CELSR1: variants seen among roughly 807,000 people sequenced by gnomAD.
CELSR1 encodes the protein adhesion G protein-coupled receptor C1.
Under a neutral mutation model 249.1 loss-of-function variants are expected in CELSR1, and 110 were observed. That is an observed-to-expected ratio of 0.44 (90% CI 0.38 to 0.52). The LOEUF (loss-of-function observed/expected upper bound fraction) is 0.52, where lower values mean the gene tolerates loss of function less well. Among genes scored for constraint, CELSR1 ranks in the 20% least tolerant of loss-of-function variants. CELSR1 has a pLI of 0.00. For synonymous variants in CELSR1, 2,113 were observed against 1,900.0 expected, an observed-to-expected ratio of 1.11 and a Z score of -2.92; for missense variants, 4,109 against 4,296.4, an observed-to-expected ratio of 0.96 and a Z score of 1.22.
Position 46,433,892 on chromosome 22 carries a change from C to T in CELSR1, c.4523-411G>A, listed in dbSNP as rs2079626627. Among the ~76,000 whole-genome samples the T allele has an allele frequency of 1.3e-5, 2 of 152,150 alleles. No individual in the cohort carries two copies. The highest frequency in any genetic ancestry group is 1.3e-4 in the Admixed American group (2 of 15,274). Reference sequence around the variant, plus strand: ...TAGAGATGGGGTTTCACCATGTTGGCTAGTCTAGTCTCGAACTCCTGACCT... The same window carrying T: ...TAGAGATGGGGTTTCACCATGTTGGTTAGTCTAGTCTCGAACTCCTGACCT... On this transcript the variant is annotated intron_variant, in intron 4 of 34. Coordinates refer to ENST00000674500, the MANE Select transcript of CELSR1 (RefSeq NM_001378328.1). The surrounding 1 kb of genome is among the most constrained non-coding windows in gnomAD (Gnocchi z 5.7).
chr22:46,377,165 G>A lies in CELSR1; in HGVS notation c.7480C>T (p.Arg2494Cys), dbSNP rs746124675. 47 of 1,613,784 alleles carry A rather than the reference G, an allele frequency of 2.9e-5. No individual in the cohort carries two copies. The highest frequency in any genetic ancestry group is 2.5e-4 in the East Asian group (11 of 44,896). Residue 2494 changes from arginine to cysteine, a missense_variant, in exon 24 of 35, where the codon CGC becomes TGC. Around this residue, in one of 7 missense-constraint regions of CELSR1, gnomAD observed 1,805 missense variants for 1,831.6 expected, o/e 0.99. Transcript: ENST00000674500. Reference protein sequence around the residue: ...LVAFVLLSLVRMLRSNLHSIH... With the variant: ...LVAFVLLSLVCMLRSNLHSIH... ...CTGTGCAGGTTGGAGCGCAGCATGC[G>A]GACCAGGCTCAGGAGGACGAAGGCC...
intron 1 of CELSR1, among the ~76,000 whole-genome samples, chr22:46,465,859 G>A (rs552619578): frequency 2.0e-5 from 3 of 152,302 alleles, no homozygotes; most frequent in South Asian, 2.1e-4. Context: ...ACCCAGAAAC[G>A]CAGGCCCGGC....
Position 46,363,863 on chromosome 22 carries a change from C to A in CELSR1, c.9035+133G>T, listed in dbSNP as rs118168818. On this transcript the variant is annotated intron_variant, in intron 34 of 34. Transcript: ENST00000674500. This position sits in a 1 kb window ranked among gnomAD's most constrained non-coding sequence, Gnocchi z 4.3. The stretch of plus-strand genomic sequence containing the variant: ...CAGCGCCTCCCCCCTCCCCCATCCC[C>A]GCCTGGGCTTCCTCTGCACTCAGGG... 7.2e-6 allele frequency: 9 copies of A among 1,254,492 alleles called. No individual in the cohort carries two copies. In the Admixed American group the frequency reaches 2.7e-4, roughly 38 times the overall value. The allele number at this position is 1,254,492 out of a possible 1,614,324, so 77.7% of individuals were successfully genotyped here.
At chr22:46,426,455 A>G (rs1980086599) in intron 5 of CELSR1, among the ~76,000 whole-genome samples, 1 of 152,124 alleles carries the variant, frequency 6.6e-6, no homozygotes, top group African/African-American at 2.4e-5. Flanking sequence ...TTCCTAGACC[A>G]CACCTTCTTA....
In CELSR1 at chr22:46,503,718, G is replaced by C. The variant is rs562101008; in HGVS notation, c.3544+29909C>G. On this transcript the variant is annotated intron_variant, in intron 1 of 34. Transcript: ENST00000674500. The stretch of plus-strand genomic sequence containing the variant: ...GCACACAGAAGCCACTAATGAACAA[G>C]ACGGAGATCCCACAACAAAAAATAT... Among the ~76,000 whole-genome samples, 6 of 152,308 alleles carry C rather than the reference G, an allele frequency of 3.9e-5. No individual in the cohort carries two copies. In the South Asian group the frequency reaches 1.2e-3, roughly 32 times the overall value.
chr22:46,435,019 A>C (rs574386212), intron 4 of CELSR1, among the ~76,000 whole-genome samples: 14 of 152,186 alleles, frequency 9.2e-5, no homozygotes, highest in African/African-American at 3.1e-4. Context: ...AAAACAAAAA[A>C]AAAAGTCATG....
At chr22:46,369,335 C>T in intron 26 of CELSR1, 77 bp from the exon 27 acceptor site, 1 of 1,286,990 alleles carries the variant, frequency 7.8e-7, no homozygotes, top group Non-Finnish European at 1.1e-6. Flanking sequence ...GCCTGAGGCC[C>T]TTCGCCCTGT....
chr22:46,375,168 C>T (rs2078905410), intron 24 of CELSR1, among the ~76,000 whole-genome samples: 2 of 152,180 alleles, frequency 1.3e-5, no homozygotes, highest in African/African-American at 4.8e-5. Context: ...CGGAAGGTTC[C>T]AGCCTGGTCT....
chr22:46,426,149 AGG>A (rs1602119291), intron 5 of CELSR1, among the ~76,000 whole-genome samples: 5 of 152,160 alleles, frequency 3.3e-5, no homozygotes, highest in Admixed American at 6.5e-5. Context: ...GCAGCCGGGG[AGG>A]GGGCTGAGTG....
chr22:46,435,824 C>T (rs1223085047), intron 4 of CELSR1, among the ~76,000 whole-genome samples: 1 of 152,164 alleles, frequency 6.6e-6, no homozygotes, highest in Non-Finnish European at 1.5e-5. Context: ...CCTCAGCCTC[C>T]TGAGTAGCGG....
Position 46,536,918 on chromosome 22 carries a change from G to A in CELSR1, c.253C>T (p.Pro85Ser), listed in dbSNP as rs1228794595. 7 of 1,181,516 alleles carry A rather than the reference G, an allele frequency of 5.9e-6. No homozygotes were observed. The East Asian group carries it at 2.2e-4, about 37-fold the overall frequency. The allele number at this position is 1,181,516 out of a possible 1,614,324, so 73.2% of individuals were successfully genotyped here. ...GRRRVSGAGR[P>S]LPLQVRLVAR... ...ACCAAGCGGACTTGCAGCGGCAGCGGGCGCCCCGCGCCCGAGACGCGCCGA... is the reference window on the plus strand; with the variant it reads ...ACCAAGCGGACTTGCAGCGGCAGCGAGCGCCCCGCGCCCGAGACGCGCCGA... The change falls in exon 1 of 35, where the codon CCG becomes TCG. Residue 85 changes from proline (P) to serine (S), a missense_variant. Around this residue, in one of 7 missense-constraint regions of CELSR1, gnomAD observed 673 missense variants for 636.8 expected, o/e 1.06. Transcript: ENST00000674500.
chr22:46,388,221 C>T (rs1292232858), intron 18 of CELSR1, among the ~76,000 whole-genome samples: 3 of 151,944 alleles, frequency 2.0e-5, no homozygotes, highest in South Asian at 2.1e-4. Flanking sequence ...TGGTGGCGGG[C>T]GCCTGTAATC....
Position 46,380,249 on chromosome 22 carries a change from TGACTCTCTGAC to T in CELSR1, c.7256+528_7256+538del, listed in dbSNP as rs2078962841. Among the ~76,000 whole-genome samples the T allele has an allele frequency of 6.6e-6, 1 of 152,236 alleles. No individual in the cohort carries two copies. Among genetic ancestry groups the T allele is most frequent in the Non-Finnish European group, 1.5e-5 (1 of 68,046 alleles). The stretch of plus-strand genomic sequence containing the variant: ...AGATTCTCCTGCGTTCGCCACTCTG[TGACTCTCTGAC>T]GCTGCTTCTGAAACGGGCCAGATAA... On this transcript the variant is annotated intron_variant, in intron 22 of 34. Transcript: ENST00000674500. The surrounding 1 kb of genome is among the most constrained non-coding windows in gnomAD (Gnocchi z 5.1).
chr22:46,515,828 C>T (rs1024090187), intron 1 of CELSR1, among the ~76,000 whole-genome samples: 4 of 152,178 alleles, frequency 2.6e-5, no homozygotes, highest in African/African-American at 9.7e-5. Context: ...CCAGCACTGA[C>T]CAGCATCCAC....
intron 2 of CELSR1, among the ~76,000 whole-genome samples, chr22:46,456,123 G>A (rs2079946136): frequency 6.6e-6 from 1 of 152,218 alleles, no homozygotes; most frequent in African/African-American, 2.4e-5. Flanking sequence ...GATAATTAAC[G>A]CTCAAGTTTA....
In CELSR1 at chr22:46,413,100, C is replaced by T. The variant is rs117179233; in HGVS notation, c.4612-1341G>A. On this transcript the variant is annotated intron_variant, in intron 5 of 34. Transcript: ENST00000674500. The surrounding 1 kb of genome is among the most constrained non-coding windows in gnomAD (Gnocchi z 4.7). The stretch of plus-strand genomic sequence containing the variant: ...TATAGCATGATACAATCTCATGCTT[C>T]TTTATAAAACGTGGAAATAGATCGT... 3.8e-3 allele frequency among the ~76,000 whole-genome samples: 575 copies of T among 152,308 alleles called. 40 individuals are homozygous for T. The East Asian group carries it at 0.099, about 26-fold the overall frequency.
At chr22:46,463,639 C>A (rs1336419836) in intron 2 of CELSR1, 68 bp downstream of exon 2, 47 of 1,422,852 alleles carry the variant, frequency 3.3e-5, no homozygotes. Flanking sequence ...CAGAGGAAAC[C>A]ACCTGAGACC....
chr22:46,454,916 C>T lies in CELSR1; in HGVS notation c.4183+8791G>A, dbSNP rs1219948625. On this transcript the variant is annotated intron_variant, in intron 2 of 34. Transcript: ENST00000674500. This position sits in a 1 kb window ranked among gnomAD's most constrained non-coding sequence, Gnocchi z 5.1. Reference sequence around the variant, plus strand: ...GAACTCCCAGTACCCTTGAAAGTGACCTTGTTTGGAAATAGGGTCTTTGTA... The same window carrying T: ...GAACTCCCAGTACCCTTGAAAGTGATCTTGTTTGGAAATAGGGTCTTTGTA... Among the ~76,000 whole-genome samples the T allele has an allele frequency of 6.6e-6, 1 of 152,170 alleles. No homozygotes were observed. Among genetic ancestry groups the T allele is most frequent in the Non-Finnish European group, 1.5e-5 (1 of 68,034 alleles).
At position 46,535,406 on chromosome 22, in the gene CELSR1, C is replaced by T. The variant is rs779399639; in HGVS notation, c.1765G>A (p.Ala589Thr). 4 of 1,609,084 alleles carry T rather than the reference C, an allele frequency of 2.5e-6. No homozygotes were observed. The highest frequency in any genetic ancestry group is 1.7e-6 in the Non-Finnish European group (2 of 1,177,994). The change falls in exon 1 of 35, where the codon GCG becomes ACG. Residue 589 changes from alanine (A) to threonine (T), a missense_variant. Physicochemically the swap from Ala to Thr is moderately conservative, Grantham distance 58. Coordinates refer to ENST00000674500, the MANE Select transcript of CELSR1 (RefSeq NM_001378328.1). ...PLGYPVVHIQ[A>T]VDADSGENAR... is the part of the protein sequence containing the mutation. ...TTCTCTCCAGAGTCCGCGTCCACCG[C>T]CTGAATGTGCACCACGGGGTAGCCC...
Sources: gnomAD v4.1 joint callset for allele counts (sites outside exome capture counted in the v4.1 genomes callset) on GRCh38, gnomAD v4.1.1 for gene constraint, gnomAD v4.1.1 regional missense constraint, Gnocchi (gnomAD v3.1) non-coding constraint, MANE v1.5 for transcripts, NCBI Gene and HGNC (gene_info 2026-07-23, HGNC 2026-07-21) for gene names.